Variants in SCGB2B2 observed in about 807,000 individuals in gnomAD.
The protein encoded by SCGB2B2 is secretoglobin-like protein.
In SCGB2B2, 11 loss-of-function variants were observed where a neutral mutation model predicts 7.6. The observed-to-expected ratio is 1.45, with a 90% CI of 0.91 to 2.40. The LOEUF is 2.40. Among genes scored for constraint, SCGB2B2 ranks in the 30% most tolerant of loss-of-function variants. The probability of loss-of-function intolerance (pLI) is 0.00; values close to 1 mark genes in which losing one functional copy is unlikely to be tolerated. For missense variants in SCGB2B2, 104 were observed against 115.4 expected (o/e 0.90, Z 0.45); for synonymous variants, 50 against 48.6 (o/e 1.03, Z -0.12).
At position 34,660,534 on chromosome 19, in the gene SCGB2B2, A is replaced by G. The variant is rs570072984; in HGVS notation, c.-2032+15096T>C. ...ATGCAGCCAACAGATATATGAAAAA[A>G]TGCTCATCATCACTGGTCATCAGAG... On this transcript the variant is annotated intron_variant, in intron 1 of 3. Transcript: ENST00000601241. Among the ~76,000 whole-genome samples the G allele has an allele frequency of 6.6e-5, 10 of 152,388 alleles. No homozygotes were observed. The South Asian group carries it at 2.1e-3, about 32-fold the overall frequency.
Position 34,593,490 on chromosome 19 carries a change from C to T in SCGB2B2, c.*65G>A, listed in dbSNP as rs1288427797. 4 of 1,277,906 alleles carry T rather than the reference C, an allele frequency of 3.1e-6. No individual in the cohort carries two copies. The highest frequency in any genetic ancestry group is 1.5e-5 in the African/African-American group (1 of 67,514). 79.2% of individuals were successfully genotyped at this position (1,277,906 alleles called of 1,614,324 possible). On this transcript the variant is annotated 3_prime_UTR_variant, in exon 4 of 4. Transcript: ENST00000601241. ...CTCTGTAGTGATGAACAGAGCCAGGCCAGGAACGCGGGGAGCCCCAAGGAA... is the reference window on the plus strand; with the variant it reads ...CTCTGTAGTGATGAACAGAGCCAGGTCAGGAACGCGGGGAGCCCCAAGGAA...
Position 34,591,463 on chromosome 19 carries a change from C to A in SCGB2B2, c.*2092G>T, listed in dbSNP as rs2065294613. Among the ~76,000 whole-genome samples the A allele has an allele frequency of 6.6e-6, 1 of 152,226 alleles. No homozygotes were observed. The highest frequency in any genetic ancestry group is 2.1e-4 in the South Asian group (1 of 4,826). ...GTCTACCTGGACGGCCACAGGGACTCCCAGTTGGTCTTCCTGCCTCTACTG... is the reference window on the plus strand; with the variant it reads ...GTCTACCTGGACGGCCACAGGGACTACCAGTTGGTCTTCCTGCCTCTACTG... On this transcript the variant is annotated 3_prime_UTR_variant, in exon 4 of 4. Transcript: ENST00000601241.
At chr19:34,625,098 C>A (rs1167685805) in intron 1 of SCGB2B2, among the ~76,000 whole-genome samples, 1 of 152,160 alleles carries the variant, frequency 6.6e-6, no homozygotes, top group Non-Finnish European at 1.5e-5. Flanking sequence ...AACATTTCTG[C>A]AGTTTGCAGC....
chr19:34,663,883 GA>G (rs1193660367), intron 1 of SCGB2B2, among the ~76,000 whole-genome samples: 1 of 152,066 alleles, frequency 6.6e-6, no homozygotes, highest in African/African-American at 2.4e-5. Context: ...GGACTGGGGG[GA>G]AGAGACAATG....
Position 34,650,816 on chromosome 19 carries a change from G to C in SCGB2B2, c.-2032+24814C>G, listed in dbSNP as rs190397190. ...CACACACAACAACAGAAAACTATAG[G>C]CCAATATCCATGATAAACACAGATG... On this transcript the variant is annotated intron_variant, in intron 1 of 3. Coordinates refer to ENST00000601241, the MANE Select transcript of SCGB2B2 (RefSeq NM_001025591.4). Among the ~76,000 whole-genome samples, 16 of 151,288 alleles carry C rather than the reference G, an allele frequency of 1.1e-4. No individual in the cohort carries two copies. In the East Asian group the frequency reaches 2.9e-3, roughly 27 times the overall value.
intron 1 of SCGB2B2, among the ~76,000 whole-genome samples, chr19:34,660,213 C>G (rs2067413287): frequency 6.6e-6 from 1 of 152,176 alleles, no homozygotes; most frequent in African/African-American, 2.4e-5. Flanking sequence ...CCATTCAGGA[C>G]CTAGGCATGG....
At chr19:34,612,638 G>C (rs532317581) in intron 1 of SCGB2B2, among the ~76,000 whole-genome samples, 72 of 152,134 alleles carry the variant, frequency 4.7e-4, no homozygotes, top group African/African-American at 1.7e-3. Flanking sequence ...ACAGTTGTTG[G>C]ATGAAATAGT....
intron 1 of SCGB2B2, among the ~76,000 whole-genome samples, chr19:34,668,941 A>C (rs1338164339): frequency 1.3e-5 from 2 of 152,128 alleles, no homozygotes; most frequent in African/African-American, 4.8e-5. Flanking sequence ...TGCCCCAGCC[A>C]GCAGTGGCAA....
chr19:34,620,065 C>T (rs905382017), intron 1 of SCGB2B2, among the ~76,000 whole-genome samples: 4 of 152,106 alleles, frequency 2.6e-5, no homozygotes, highest in South Asian at 4.1e-4. Context: ...ACCCAGGAAG[C>T]AAGAAATCCT....
chr19:34,632,635 G>GT (rs1481274022), intron 1 of SCGB2B2: 1 of 152,180 alleles, frequency 6.6e-6, no homozygotes, highest in African/African-American at 2.4e-5. Flanking sequence ...TGAAATCCTC[G>GT]TAACACTGTG....
At chr19:34,611,525 CTT>C (rs1158833258) in intron 1 of SCGB2B2, among the ~76,000 whole-genome samples, 1 of 151,966 alleles carries the variant, frequency 6.6e-6, no homozygotes, top group Non-Finnish European at 1.5e-5. Flanking sequence ...CATCTGAACT[CTT>C]TCTACTTTTT....
At chr19:34,670,732 T>C (rs1313139543) in intron 1 of SCGB2B2, among the ~76,000 whole-genome samples, 2 of 152,240 alleles carry the variant, frequency 1.3e-5, no homozygotes, top group African/African-American at 4.8e-5. Context: ...TGTTTACTGT[T>C]GACAAAGTTG....
chr19:34,632,312 T>C (rs575584733), intron 1 of SCGB2B2, among the ~76,000 whole-genome samples: 7 of 152,270 alleles, frequency 4.6e-5, no homozygotes, highest in Admixed American at 4.6e-4. Flanking sequence ...ACTGTTAAGA[T>C]GAAGGTAAAA....
intron 1 of SCGB2B2, among the ~76,000 whole-genome samples, chr19:34,619,538 C>T (rs2066183660): frequency 6.6e-6 from 1 of 152,074 alleles, no homozygotes; most frequent in Non-Finnish European, 1.5e-5. Flanking sequence ...AGACGGCAAG[C>T]AATTTTTATG....
intron 1 of SCGB2B2, among the ~76,000 whole-genome samples, chr19:34,670,498 T>G (rs2067773718): frequency 6.6e-6 from 1 of 152,250 alleles, no homozygotes; most frequent in South Asian, 2.1e-4. Context: ...TAACTAATGT[T>G]TACAATTTTT....
chr19:34,654,342 T>C (rs2067232321), intron 1 of SCGB2B2, among the ~76,000 whole-genome samples: 1 of 151,262 alleles, frequency 6.6e-6, no homozygotes, highest in East Asian at 1.9e-4. Flanking sequence ...CAACTGTTTA[T>C]GTAAAGCTAA....
chr19:34,607,957 T>TA (rs34026437), intron 1 of SCGB2B2, among the ~76,000 whole-genome samples: 14,421 of 152,196 alleles, frequency 0.095, 806 homozygotes, highest in South Asian at 0.19. Flanking sequence ...TGTGATTCCA[T>TA]AAATATTTTG....
chr19:34,658,339 A>T (rs149038801), intron 1 of SCGB2B2, among the ~76,000 whole-genome samples: 3,326 of 152,270 alleles, frequency 0.022, 81 homozygotes, highest in Admixed American at 0.058. Flanking sequence ...TCAACAAAAT[A>T]GATAGACTGC....
chr19:34,601,290 T>A (rs758775758), intron 1 of SCGB2B2, among the ~76,000 whole-genome samples: 6 of 152,256 alleles, frequency 3.9e-5, no homozygotes, highest in Non-Finnish European at 7.3e-5. Flanking sequence ...GACTACACAC[T>A]AAAGCTTTAG....
Sources: gnomAD v4.1 joint callset for allele counts (sites outside exome capture counted in the v4.1 genomes callset) on GRCh38, gnomAD v4.1.1 for gene constraint, MANE v1.5 for transcripts, NCBI Gene and HGNC (gene_info 2026-07-23, HGNC 2026-07-21) for gene names.